CORO1C: variants seen among roughly 807,000 people sequenced by gnomAD.
CORO1C encodes the protein coronin 1C.
CORO1C carries 14 observed loss-of-function variants against 51.2 expected under a neutral mutation model. That is an observed-to-expected ratio of 0.27 (90% CI 0.18 to 0.43). CORO1C has a LOEUF of 0.43. CORO1C is among the 20% of genes least tolerant of loss of function. The pLI is 1.00. For synonymous variants in CORO1C, 181 were observed against 210.5 expected (o/e 0.86, Z 1.21); for missense variants, 417 against 607.8 (o/e 0.69, Z 3.30).
At chr12:108,702,257 G>A (rs1266577415) in intron 1 of CORO1C, among the ~76,000 whole-genome samples, 2 of 152,082 alleles carry the variant, frequency 1.3e-5, no homozygotes, top group Non-Finnish European at 2.9e-5. Context: ...ACCTAGGAAA[G>A]GAAAAATGCA....
chr12:108,709,979 A>G (rs898218643), intron 1 of CORO1C, among the ~76,000 whole-genome samples: 2 of 152,226 alleles, frequency 1.3e-5, no homozygotes, highest in Non-Finnish European at 2.9e-5. Context: ...TCAAAGGAAT[A>G]TTTACAAGTT....
chr12:108,678,018 CAA>C (rs139621669), intron 3 of CORO1C, among the ~76,000 whole-genome samples: 1 of 132,700 alleles, frequency 7.5e-6, no homozygotes. Context: ...GACTCCATCT[CAA>C]AAAAAAAAAA....
At chr12:108,681,448 C>G (rs1296783567) in intron 2 of CORO1C, among the ~76,000 whole-genome samples, 1 of 152,114 alleles carries the variant, frequency 6.6e-6, no homozygotes, top group Non-Finnish European at 1.5e-5. Context: ...GAGAAGATCC[C>G]AGAAGCAACA....
rs1443740404 is a variant in CORO1C at position 108,645,120 on chromosome 12, A to G, written c.*2283T>C. ...AAACACAAACACCATTTTGTAATCA[A>G]TGATTTTTATCTCTGAAAATGGAAG... On this transcript the variant is annotated 3_prime_UTR_variant, in exon 11 of 11. Coordinates refer to ENST00000261401, the MANE Select transcript of CORO1C (RefSeq NM_014325.4). 6.6e-6 allele frequency: 1 copy of G among 152,064 alleles called. No individual in the cohort carries two copies. The highest frequency in any genetic ancestry group is 1.5e-5 in the Non-Finnish European group (1 of 68,016). The allele number at this position is 152,064 out of a possible 1,614,324, so 9.4% of individuals were successfully genotyped here.
intron 6 of CORO1C, among the ~76,000 whole-genome samples, chr12:108,655,421 TCC>T (rs915604218): frequency 4.1e-4 from 53 of 127,964 alleles, no homozygotes; most frequent in Non-Finnish European, 7.5e-4. Flanking sequence ...TTCCACGCTC[TCC>T]CTCTGATGCC....
intron 3 of CORO1C, among the ~76,000 whole-genome samples, chr12:108,675,868 C>CA (rs1297434647): frequency 6.6e-6 from 1 of 152,102 alleles, no homozygotes. Flanking sequence ...TGAATCTGAC[C>CA]GCACTTCAGG....
At chr12:108,712,913 T>TAAAAA (rs142742201) in intron 1 of CORO1C, among the ~76,000 whole-genome samples, 11 of 128,062 alleles carry the variant, frequency 8.6e-5, no homozygotes, top group Admixed American at 2.5e-4. Context: ...CATGTCTCTT[T>TAAAAA]AAAAAAAAAA....
At chr12:108,724,301 A>T (rs2035538623) in intron 1 of CORO1C, among the ~76,000 whole-genome samples, 1 of 152,228 alleles carries the variant, frequency 6.6e-6, no homozygotes, top group Non-Finnish European at 1.5e-5. Context: ...AAGACTACAA[A>T]GGGAAAGCCA....
At chr12:108,721,979 G>A (rs77866012) in intron 1 of CORO1C, among the ~76,000 whole-genome samples, 11,343 of 152,166 alleles carry the variant, frequency 0.075, 634 homozygotes, top group East Asian at 0.32. Context: ...GTTTTGGAGT[G>A]ACAGGAAGAA....
intron 1 of CORO1C, among the ~76,000 whole-genome samples, chr12:108,722,786 A>G (rs1412620680): frequency 6.6e-6 from 1 of 152,190 alleles, no homozygotes; most frequent in East Asian, 1.9e-4. Context: ...TCAGAGAAAC[A>G]CACAGTTCAT....
chr12:108,653,776 A>G (rs2032799540), intron 7 of CORO1C, among the ~76,000 whole-genome samples: 2 of 152,190 alleles, frequency 1.3e-5, no homozygotes, highest in African/African-American at 4.8e-5. Context: ...GAACCCCAGG[A>G]ACAAGAACCC....
chr12:108,678,442 A>G (rs1297056144), intron 2 of CORO1C, 48 bp from the exon 3 acceptor site: 3 of 1,420,908 alleles, frequency 2.1e-6, no homozygotes, highest in Non-Finnish European at 2.8e-6. Context: ...AACACCACAG[A>G]CGTTATACAT....
chr12:108,722,589 G>A (rs748455429), intron 1 of CORO1C, among the ~76,000 whole-genome samples: 1 of 152,164 alleles, frequency 6.6e-6, no homozygotes, highest in Non-Finnish European at 1.5e-5. Context: ...TTCAGTCTAG[G>A]CTGGGAACGT....
At chr12:108,660,451 CAAAAAA>C (rs139334112) in intron 4 of CORO1C, among the ~76,000 whole-genome samples, 1 of 87,510 alleles carries the variant, frequency 1.1e-5, no homozygotes, top group Non-Finnish European at 2.3e-5. Flanking sequence ...AACTCCATCT[CAAAAAA>C]AAAAAAAAAA....
intron 8 of CORO1C, among the ~76,000 whole-genome samples, chr12:108,651,804 G>A (rs2032670962): frequency 6.6e-6 from 1 of 152,160 alleles, no homozygotes; most frequent in Non-Finnish European, 1.5e-5. Context: ...GAAAGACTTG[G>A]GCTTCATAGA....
At chr12:108,708,569 C>T (rs555112110) in intron 1 of CORO1C, among the ~76,000 whole-genome samples, 277 of 151,052 alleles carry the variant, frequency 1.8e-3, no homozygotes, top group Non-Finnish European at 3.2e-3. Context: ...TCAAGCAATT[C>T]TCCTGCCTCA....
intron 1 of CORO1C, among the ~76,000 whole-genome samples, chr12:108,711,180 T>C (rs1226999331): frequency 2.0e-5 from 3 of 151,736 alleles, no homozygotes; most frequent in Non-Finnish European, 4.4e-5. Context: ...CCAGGCAACA[T>C]AGCGAGACCC....
chr12:108,663,913 G>A (rs184452016), intron 3 of CORO1C, among the ~76,000 whole-genome samples: 6 of 152,214 alleles, frequency 3.9e-5, no homozygotes, highest in Admixed American at 1.3e-4. Context: ...TCTTAATTGG[G>A]GACATGCCTG....
chr12:108,678,267 C>T lies in CORO1C; in HGVS notation c.318+5G>A, dbSNP rs1280755184. On this transcript the variant is annotated splice_donor_5th_base_variant and intron_variant, in intron 3 of 10. Transcript: ENST00000261401. Reference sequence around the variant, plus strand: ...CTGTGTGCACACAACACCCTGGGAGCTTACCATGACCGTGCAGTCCTCTGA... The same window carrying T: ...CTGTGTGCACACAACACCCTGGGAGTTTACCATGACCGTGCAGTCCTCTGA... 1.9e-6 allele frequency: 3 copies of T among 1,607,814 alleles called. No homozygotes were observed. Among genetic ancestry groups the T allele is most frequent in the East Asian group, 2.2e-5 (1 of 44,636 alleles).
Sources: gnomAD v4.1 joint callset for allele counts (sites outside exome capture counted in the v4.1 genomes callset) on GRCh38, gnomAD v4.1.1 for gene constraint, MANE v1.5 for transcripts, NCBI Gene and HGNC (gene_info 2026-07-23, HGNC 2026-07-21) for gene names.